The following CTNNA3 variants were observed in gnomAD, a reference collection of about 807,000 sequenced individuals.
CTNNA3 encodes catenin alpha 3.
CTNNA3 carries 76 observed loss-of-function variants against 95.7 expected under a neutral mutation model. The observed-to-expected ratio is 0.79, with a 90% CI of 0.66 to 0.96. The LOEUF is 0.96. CTNNA3 is among the 40% of genes least tolerant of loss of function. The pLI, the probability that CTNNA3 is intolerant of heterozygous loss-of-function variation, is 0.00. For missense variants in CTNNA3, 1,191 were observed against 1,089.8 expected, an observed-to-expected ratio of 1.09 and a Z score of -1.31; for synonymous variants, 431 against 374.4, an observed-to-expected ratio of 1.15 and a Z score of -1.74.
intron 13 of CTNNA3, among the ~76,000 whole-genome samples, chr10:66,234,325 C>T (rs1293371232): frequency 6.6e-6 from 1 of 152,082 alleles, no homozygotes; most frequent in East Asian, 1.9e-4. Context: ...AAGAATCTGT[C>T]TCCCCCTACT....
At chr10:66,402,514 A>C (rs977608712) in intron 11 of CTNNA3, among the ~76,000 whole-genome samples, 1 of 152,098 alleles carries the variant, frequency 6.6e-6, no homozygotes, top group Non-Finnish European at 1.5e-5. Context: ...TTTTCAGTTT[A>C]CTCATATGTC....
chr10:67,630,973 C>T (rs1273227632), intron 2 of CTNNA3, among the ~76,000 whole-genome samples: 1 of 152,154 alleles, frequency 6.6e-6, no homozygotes, highest in Non-Finnish European at 1.5e-5. Flanking sequence ...TATATAATGA[C>T]TGTAGCATGA....
chr10:66,367,681 G>A (rs2092719748), intron 12 of CTNNA3, among the ~76,000 whole-genome samples: 2 of 149,318 alleles, frequency 1.3e-5, no homozygotes, highest in Non-Finnish European at 3.0e-5. Flanking sequence ...GATAGCAGTG[G>A]AAGCCGAATT....
chr10:66,898,104 A>G (rs1464200525), intron 7 of CTNNA3, among the ~76,000 whole-genome samples: 2 of 152,358 alleles, frequency 1.3e-5, no homozygotes, highest in East Asian at 3.9e-4. Context: ...CATAAGGAAC[A>G]ATAACTGCAA....
At chr10:66,289,041 C>T (rs2091636077) in intron 12 of CTNNA3, among the ~76,000 whole-genome samples, 1 of 151,902 alleles carries the variant, frequency 6.6e-6, no homozygotes, top group South Asian at 2.1e-4. Flanking sequence ...GTGTTAATCC[C>T]TTGAAGTTTA....
intron 9 of CTNNA3, among the ~76,000 whole-genome samples, chr10:66,693,925 C>T (rs1021396716): frequency 3.3e-5 from 5 of 151,876 alleles, no homozygotes; most frequent in Non-Finnish European, 5.9e-5. Flanking sequence ...AGAACAAAGA[C>T]ACAACATACC....
chr10:66,744,099 A>G (rs1266182318), intron 9 of CTNNA3, among the ~76,000 whole-genome samples: 2 of 152,082 alleles, frequency 1.3e-5, no homozygotes, highest in East Asian at 3.9e-4. Flanking sequence ...CTACTATGAC[A>G]GAGCAAATGC....
intron 7 of CTNNA3, among the ~76,000 whole-genome samples, chr10:67,146,821 A>G (rs759762049): frequency 1.5e-4 from 23 of 152,358 alleles, no homozygotes; most frequent in Non-Finnish European, 2.2e-4. Flanking sequence ...CCACATATAC[A>G]ACTCTGGTTC....
intron 1 of CTNNA3, among the ~76,000 whole-genome samples, chr10:67,688,094 C>T (rs1840768392): frequency 6.6e-6 from 1 of 152,146 alleles, no homozygotes; most frequent in South Asian, 2.1e-4. Flanking sequence ...TGATATCTCT[C>T]CAAGTGAGGT....
chr10:67,584,395 C>T (rs1019307406), intron 3 of CTNNA3, among the ~76,000 whole-genome samples: 26 of 152,292 alleles, frequency 1.7e-4, no homozygotes, highest in African/African-American at 4.8e-4. Context: ...TATGGCAGAA[C>T]GGCAAATGTT....
chr10:67,598,861 TAC>T (rs991121661), intron 3 of CTNNA3, among the ~76,000 whole-genome samples: 2 of 151,816 alleles, frequency 1.3e-5, no homozygotes, highest in African/African-American at 4.8e-5. Flanking sequence ...AAGAGAAAAC[TAC>T]AGACTGGGGA....
At chr10:66,788,723 A>T (rs1840847662) in intron 7 of CTNNA3, among the ~76,000 whole-genome samples, 1 of 148,822 alleles carries the variant, frequency 6.7e-6, no homozygotes, top group Admixed American at 6.7e-5. Flanking sequence ...ATTACAGGTT[A>T]AAAAAAAAAG....
intron 7 of CTNNA3, among the ~76,000 whole-genome samples, chr10:67,078,548 G>A (rs998813496): frequency 3.3e-5 from 5 of 151,450 alleles, no homozygotes; most frequent in African/African-American, 7.3e-5. Flanking sequence ...AAGGAGTCTC[G>A]CTCTGTCGCC....
chr10:67,313,507 C>T (rs909146043), intron 5 of CTNNA3, among the ~76,000 whole-genome samples: 2 of 151,898 alleles, frequency 1.3e-5, no homozygotes, highest in Admixed American at 1.3e-4. Flanking sequence ...CTGAAGTATA[C>T]AAGGCATGTG....
At chr10:66,638,337 C>T (rs1025259024) in intron 9 of CTNNA3, among the ~76,000 whole-genome samples, 2 of 152,244 alleles carry the variant, frequency 1.3e-5, no homozygotes, top group Admixed American at 6.5e-5. Flanking sequence ...TCTTTCCCAG[C>T]ACATTCTATT....
At chr10:67,455,316 C>T (rs963650706) in intron 5 of CTNNA3, among the ~76,000 whole-genome samples, 6 of 152,096 alleles carry the variant, frequency 3.9e-5, no homozygotes, top group Middle Eastern at 3.4e-3. Flanking sequence ...TGCAAGAAAT[C>T]AATATCAAGT....
In CTNNA3 at chr10:67,735,423, C is replaced by T. The variant is rs191746517; in HGVS notation, c.-2+28011G>A. Among the ~76,000 whole-genome samples the T allele has an allele frequency of 8.6e-5, 13 of 151,866 alleles. No individual in the cohort carries two copies. In the East Asian group the frequency reaches 1.9e-3, roughly 23 times the overall value. ...TAAAATAATAACCATGATGACAGAACGGATATAATATAAGTTATATTAATC... is the reference window on the plus strand; with the variant it reads ...TAAAATAATAACCATGATGACAGAATGGATATAATATAAGTTATATTAATC... On this transcript the variant is annotated intron_variant, in intron 1 of 17. Transcript: ENST00000684154.
In CTNNA3 at chr10:67,716,048, C is replaced by T. The variant is rs574392739; in HGVS notation, c.-2+47386G>A. 3.9e-5 allele frequency among the ~76,000 whole-genome samples: 6 copies of T among 152,176 alleles called. No homozygotes were observed. In the South Asian group the frequency reaches 6.2e-4, roughly 16 times the overall value. Reference sequence around the variant, plus strand: ...TACTATAAGGTACTCTGGATATGAACGATCCTTGTTTGGGAATGCTACTCT... The same window carrying T: ...TACTATAAGGTACTCTGGATATGAATGATCCTTGTTTGGGAATGCTACTCT... On this transcript the variant is annotated intron_variant, in intron 1 of 17. Coordinates refer to the CTNNA3 transcript ENST00000684154.
intron 11 of CTNNA3, among the ~76,000 whole-genome samples, chr10:66,384,399 A>G (rs2092870713): frequency 6.6e-6 from 1 of 152,190 alleles, no homozygotes; most frequent in South Asian, 2.1e-4. Flanking sequence ...AGAGCTAACT[A>G]TCATATATGC....
Sources: gnomAD v4.1 joint callset for allele counts (sites outside exome capture counted in the v4.1 genomes callset) on GRCh38, gnomAD v4.1.1 for gene constraint, MANE v1.5 for transcripts, NCBI Gene and HGNC (gene_info 2026-07-23, HGNC 2026-07-21) for gene names.